Variants in SORBS2 observed in about 807,000 individuals in gnomAD.
SORBS2 encodes the protein sorbin and SH3 domain-containing protein 2.
Under a neutral mutation model 97.7 loss-of-function variants are expected in SORBS2, and 46 were observed. The observed-to-expected ratio is 0.47, with a 90% CI of 0.37 to 0.60. The LOEUF (loss-of-function observed/expected upper bound fraction) is 0.60, where lower values mean the gene tolerates loss of function less well. SORBS2 is among the 20% of genes least tolerant of loss of function. SORBS2 has a pLI of 0.00. For missense variants in SORBS2, 1,316 were observed against 1,282.3 expected, an observed-to-expected ratio of 1.03 and a Z score of -0.40; for synonymous variants, 476 against 473.4, an observed-to-expected ratio of 1.01 and a Z score of -0.07.
intron 2 of SORBS2, among the ~76,000 whole-genome samples, chr4:185,707,017 G>C (rs892546916): frequency 4.6e-5 from 7 of 152,018 alleles, no homozygotes; most frequent in African/African-American, 1.2e-4. Context: ...TAACTGCTTG[G>C]CAGATAATTT....
chr4:185,735,228 G>C (rs1447461900), intron 2 of SORBS2, among the ~76,000 whole-genome samples: 1 of 152,150 alleles, frequency 6.6e-6, no homozygotes, highest in East Asian at 1.9e-4. Flanking sequence ...TGAGACAGTT[G>C]CCTAATCAGC....
At chr4:185,848,088 T>G (rs2099215567) in intron 1 of SORBS2, among the ~76,000 whole-genome samples, 2 of 152,248 alleles carry the variant, frequency 1.3e-5, no homozygotes, top group South Asian at 2.1e-4. Flanking sequence ...AGAGACTCCT[T>G]GAGAATGATG....
chr4:185,845,117 A>ATT (rs2099213811), intron 1 of SORBS2, among the ~76,000 whole-genome samples: 1 of 151,116 alleles, frequency 6.6e-6, no homozygotes, highest in Non-Finnish European at 1.5e-5. Context: ...GGCTCAAATG[A>ATT]TTCTCCCACC....
In SORBS2 at chr4:185,854,005, C is replaced by T. The variant is rs574981769; in HGVS notation, c.-337-78639G>A. ...AGTCTCTGAAATGAAATACTCCATACGTGAATCATCCATTACAGTCTTCAA... is the reference window on the plus strand; with the variant it reads ...AGTCTCTGAAATGAAATACTCCATATGTGAATCATCCATTACAGTCTTCAA... On this transcript the variant is annotated intron_variant, in intron 1 of 20. Transcript: ENST00000284776. Among the ~76,000 whole-genome samples the T allele has an allele frequency of 2.4e-4, 37 of 152,246 alleles. No homozygotes were observed. In the South Asian group the frequency reaches 5.0e-3, roughly 20 times the overall value.
chr4:185,721,265 G>A (rs901427719), intron 2 of SORBS2, among the ~76,000 whole-genome samples: 2 of 151,906 alleles, frequency 1.3e-5, no homozygotes, highest in African/African-American at 4.8e-5. Flanking sequence ...AGTAGAAACG[G>A]GGTTTTGCCA....
chr4:185,921,356 T>C (rs1579505223), intron 1 of SORBS2, among the ~76,000 whole-genome samples: 2 of 152,190 alleles, frequency 1.3e-5, no homozygotes, highest in East Asian at 3.9e-4. Context: ...AAACCGAATC[T>C]GTTACGGAGT....
intron 1 of SORBS2, among the ~76,000 whole-genome samples, chr4:185,936,244 T>C (rs1483099441): frequency 6.6e-6 from 1 of 152,186 alleles, no homozygotes; most frequent in Non-Finnish European, 1.5e-5. Flanking sequence ...TATAAAGCCT[T>C]CACAAGAAAA....
chr4:185,638,119 G>C, intron 4 of SORBS2: 1 of 1,611,862 alleles, frequency 6.2e-7, no homozygotes, highest in Non-Finnish European at 8.5e-7. Context: ...TTTATACCAG[G>C]GCTCATTTTC....
At chr4:185,896,403 G>A (rs1322251289) in intron 1 of SORBS2, among the ~76,000 whole-genome samples, 1 of 152,122 alleles carries the variant, frequency 6.6e-6, no homozygotes, top group African/African-American at 2.4e-5. Context: ...GACCAACATG[G>A]TGAAACCCCG....
intron 4 of SORBS2, among the ~76,000 whole-genome samples, chr4:185,641,793 G>A (rs1016428283): frequency 5.4e-5 from 8 of 148,794 alleles, no homozygotes; most frequent in East Asian, 2.0e-4. Flanking sequence ...GCAAACCTCC[G>A]TTTAAAACTA....
At chr4:185,916,926 G>C (rs892328776) in intron 1 of SORBS2, among the ~76,000 whole-genome samples, 1 of 152,218 alleles carries the variant, frequency 6.6e-6, no homozygotes, top group Non-Finnish European at 1.5e-5. Flanking sequence ...GTAGCTACAG[G>C]ATGGGGCTGG....
intron 1 of SORBS2, among the ~76,000 whole-genome samples, chr4:185,925,609 T>C (rs950802673): frequency 1.6e-4 from 24 of 152,156 alleles, no homozygotes; most frequent in African/African-American, 3.4e-4. Flanking sequence ...TTTGGAAATA[T>C]ATGATGATGA....
intron 2 of SORBS2, chr4:185,773,422 T>C (rs7693361): frequency 0.32 from 48,278 of 152,182 alleles, 8,064 homozygotes; most frequent in Non-Finnish European, 0.36. Flanking sequence ...TGAACATCTC[T>C]AGGTTTTTCT....
chr4:185,873,978 A>G (rs1226857710), intron 1 of SORBS2, among the ~76,000 whole-genome samples: 1 of 152,154 alleles, frequency 6.6e-6, no homozygotes, highest in Non-Finnish European at 1.5e-5. Flanking sequence ...TTTAATATTA[A>G]AATAGTATGT....
chr4:185,612,096 A>G (rs2096547696), intron 11 of SORBS2, 116 bp from the exon 24 acceptor site: 1 of 743,218 alleles, frequency 1.3e-6, no homozygotes, highest in African/African-American at 1.8e-5. Flanking sequence ...TTATACCTTC[A>G]GTTTTTGTTT....
intron 1 of SORBS2, among the ~76,000 whole-genome samples, chr4:185,929,736 A>G (rs2099265533): frequency 6.6e-6 from 1 of 152,118 alleles, no homozygotes; most frequent in Non-Finnish European, 1.5e-5. Flanking sequence ...GGGTTTCACC[A>G]TGTTGGCCAG....
chr4:185,897,709 A>T (rs1294039974), intron 1 of SORBS2, among the ~76,000 whole-genome samples: 1 of 152,150 alleles, frequency 6.6e-6, no homozygotes, highest in Non-Finnish European at 1.5e-5. Flanking sequence ...ACAGATGGCT[A>T]AGGTTCAAAC....
chr4:185,879,175 CCA>C (rs1491528285), intron 1 of SORBS2, among the ~76,000 whole-genome samples: 14 of 113,250 alleles, frequency 1.2e-4, no homozygotes, highest in African/African-American at 4.6e-4. Flanking sequence ...TCCCCCCCCC[CCA>C]CCCCACGACA....
chr4:185,683,227 GTT>G (rs76783528), intron 2 of SORBS2, among the ~76,000 whole-genome samples: 1 of 115,586 alleles, frequency 8.7e-6, no homozygotes, highest in African/African-American at 2.6e-5. Flanking sequence ...AGTGTGAAAT[GTT>G]TTTTTTTTCT....
Sources: gnomAD v4.1 joint callset for allele counts (sites outside exome capture counted in the v4.1 genomes callset) on GRCh38, gnomAD v4.1.1 for gene constraint, MANE v1.5 for transcripts, NCBI Gene and HGNC (gene_info 2026-07-23, HGNC 2026-07-21) for gene names.